VPS13D: variants seen among roughly 807,000 people sequenced by gnomAD.
The protein encoded by VPS13D is intermembrane lipid transfer protein VPS13D.
In VPS13D, 187 loss-of-function variants were observed where a neutral mutation model predicts 461.9. The observed-to-expected ratio is 0.40, with a 90% CI of 0.36 to 0.46. The LOEUF (loss-of-function observed/expected upper bound fraction) is 0.46. Ranked by LOEUF, VPS13D falls within the 20% of genes least tolerant of loss-of-function variation. The pLI, the probability that VPS13D is intolerant of heterozygous loss-of-function variation, is 0.60. For synonymous variants in VPS13D, 1,951 were observed against 1,986.3 expected, an observed-to-expected ratio of 0.98 and a Z score of 0.47; for missense variants, 4,711 against 5,364.9, an observed-to-expected ratio of 0.88 and a Z score of 3.81.
At chr1:12,394,186 G>A (rs1296137475) in intron 60 of VPS13D, among the ~76,000 whole-genome samples, 1 of 152,146 alleles carries the variant, frequency 6.6e-6, no homozygotes, top group Non-Finnish European at 1.5e-5. Flanking sequence ...TTCTGGGTCT[G>A]TAAACTGGCT....
At chr1:12,430,253 A>G (rs891628628) in intron 65 of VPS13D, among the ~76,000 whole-genome samples, 5 of 152,174 alleles carry the variant, frequency 3.3e-5, no homozygotes, top group African/African-American at 1.2e-4. Context: ...TCCTGTTACT[A>G]TTTGATCTTC....
At chr1:12,423,825 A>AT (rs1644891773) in intron 65 of VPS13D, among the ~76,000 whole-genome samples, 2 of 152,168 alleles carry the variant, frequency 1.3e-5, no homozygotes, top group Admixed American at 1.3e-4. Context: ...AAGAAACAGC[A>AT]TTTTTTGTTG....
chr1:12,492,517 G>A (rs1432088096), intron 67 of VPS13D, among the ~76,000 whole-genome samples: 1 of 152,194 alleles, frequency 6.6e-6, no homozygotes. Flanking sequence ...CCAAGTGTTG[G>A]ATATAGATCG....
chr1:12,432,390 G>A (rs1265881927), intron 65 of VPS13D, among the ~76,000 whole-genome samples: 3 of 144,156 alleles, frequency 2.1e-5, no homozygotes, highest in South Asian at 2.3e-4. Context: ...GCAAAACTCC[G>A]TCTCAAAAAA....
chr1:12,281,072 T>G (rs1161676158), intron 20 of VPS13D, among the ~76,000 whole-genome samples: 1 of 151,946 alleles, frequency 6.6e-6, no homozygotes, highest in Non-Finnish European at 1.5e-5. Flanking sequence ...TATTTTTTTT[T>G]TTTTTGGTGA....
intron 52 of VPS13D, among the ~76,000 whole-genome samples, chr1:12,363,937 G>A (rs1358390897): frequency 2.0e-5 from 2 of 97,614 alleles, no homozygotes; most frequent in East Asian, 6.9e-4. Context: ...AGGCGACAGA[G>A]TAAGACTCTA....
At chr1:12,306,088 A>G (rs1642556294) in intron 26 of VPS13D, among the ~76,000 whole-genome samples, 1 of 151,916 alleles carries the variant, frequency 6.6e-6, no homozygotes, top group African/African-American at 2.4e-5. Context: ...GGTTCACGCC[A>G]TTCTCCTGCC....
intron 65 of VPS13D, 140 bp downstream of exon 65, chr1:12,416,967 T>G: frequency 1.2e-6 from 1 of 813,686 alleles, no homozygotes. Context: ...TGCCTTTTCC[T>G]CACCTCCAGT....
chr1:12,342,132 T>C (rs1643583184), intron 41 of VPS13D, among the ~76,000 whole-genome samples: 1 of 152,176 alleles, frequency 6.6e-6, no homozygotes, highest in Non-Finnish European at 1.5e-5. Context: ...GCCAAGCAAA[T>C]TAAGGATGTG....
intron 54 of VPS13D, among the ~76,000 whole-genome samples, chr1:12,370,722 A>T (rs1166687719): frequency 6.6e-6 from 1 of 152,252 alleles, no homozygotes; most frequent in Non-Finnish European, 1.5e-5. Context: ...GGCACTTAAC[A>T]GTGGGACATG....
intron 65 of VPS13D, among the ~76,000 whole-genome samples, chr1:12,424,871 G>T (rs1235066916): frequency 6.6e-6 from 1 of 152,110 alleles, no homozygotes; most frequent in African/African-American, 2.4e-5. Context: ...AGTATATTCA[G>T]TTGCTAAGTT....
chr1:12,274,283 G>A (rs1404520009), intron 18 of VPS13D, among the ~76,000 whole-genome samples: 2 of 152,152 alleles, frequency 1.3e-5, no homozygotes, highest in African/African-American at 2.4e-5. Context: ...CAGGTGATCC[G>A]CCCACCTTGG....
intron 17 of VPS13D, 133 bp from the exon 18 acceptor site, chr1:12,272,870 A>G: frequency 7.8e-7 from 1 of 1,283,222 alleles, no homozygotes; most frequent in Non-Finnish European, 1.1e-6. Flanking sequence ...TTTGTCTTAG[A>G]CTTTTTGCTG....
chr1:12,410,331 C>T (rs928670286), intron 63 of VPS13D, among the ~76,000 whole-genome samples: 1 of 152,120 alleles, frequency 6.6e-6, no homozygotes, highest in Non-Finnish European at 1.5e-5. Flanking sequence ...CTACACCAGG[C>T]CTCATAAGGA....
intron 67 of VPS13D, among the ~76,000 whole-genome samples, chr1:12,477,402 A>T (rs1425231694): frequency 6.6e-6 from 1 of 152,158 alleles, no homozygotes; most frequent in Non-Finnish European, 1.5e-5. Context: ...CAACAGCTCG[A>T]TGTGACAAAC....
At chr1:12,293,074 A>G (rs1642180328) in intron 23 of VPS13D, among the ~76,000 whole-genome samples, 1 of 152,206 alleles carries the variant, frequency 6.6e-6, no homozygotes, top group African/African-American at 2.4e-5. Flanking sequence ...TTTGACTTAC[A>G]TTTGACTAAG....
chr1:12,337,087 C>CT (rs1429504922), intron 39 of VPS13D: 1 of 151,956 alleles, frequency 6.6e-6, no homozygotes, highest in East Asian at 1.9e-4. Flanking sequence ...GTCCCTCTCT[C>CT]TTTCTCTATA....
rs1445378742 is a variant in VPS13D, at chr1:12,380,205, AATGTAATTTTAAAAAGAAAAAAATTACCT to A, written c.11190+653_11190+681del. On this transcript the variant is annotated intron_variant, in intron 57 of 69. Coordinates refer to ENST00000620676, the MANE Select transcript of VPS13D (RefSeq NM_015378.4). ...TTTTTCTTTGATGTCATATATTACCAATGTAATTTTAAAAAGAAAAAAATTACCTATGTAATTTTAAAAAGAAAAAAATT... is the reference window on the plus strand; with the variant it reads ...TTTTTCTTTGATGTCATATATTACCAATGTAATTTTAAAAAGAAAAAAATT... 5.8e-4 allele frequency among the ~76,000 whole-genome samples: 89 copies of A among 152,296 alleles called. 2 individuals are homozygous for A. Among genetic ancestry groups the A allele is most frequent in the South Asian group, 1.9e-3 (9 of 4,826 alleles).
chr1:12,273,181 A>G (rs1641505685), intron 18 of VPS13D, 46 bp downstream of exon 18: 7 of 1,602,506 alleles, frequency 4.4e-6, no homozygotes, highest in Non-Finnish European at 6.0e-6. Flanking sequence ...TGGTAGATGG[A>G]TGATCTATCT....
Sources: gnomAD v4.1 joint callset for allele counts (sites outside exome capture counted in the v4.1 genomes callset) on GRCh38, gnomAD v4.1.1 for gene constraint, MANE v1.5 for transcripts, NCBI Gene and HGNC (gene_info 2026-07-23, HGNC 2026-07-21) for gene names.